The following PON3 variants were observed in gnomAD, a reference collection of about 807,000 sequenced individuals.
PON3 encodes serum paraoxonase/lactonase 3.
Under a neutral mutation model 36.3 loss-of-function variants are expected in PON3, and 37 were observed. The ratio of observed to expected loss-of-function variants is 1.02; its 90% CI spans 0.78 to 1.34. PON3 has a LOEUF of 1.34. Ranked by LOEUF, PON3 falls within the 40% of genes most tolerant of loss-of-function variation. The probability of loss-of-function intolerance (pLI) is 0.00; values close to 1 mark genes in which losing one functional copy is unlikely to be tolerated. For synonymous variants in PON3, 155 were observed against 154.8 expected (o/e 1.00, Z -0.01); for missense variants, 415 against 426.5 (o/e 0.97, Z 0.24).
intron 3 of PON3, among the ~76,000 whole-genome samples, chr7:95,373,662 A>C (rs1211355003): frequency 6.6e-6 from 1 of 152,184 alleles, no homozygotes; most frequent in African/African-American, 2.4e-5. Context: ...ATATAGGGCA[A>C]GTCTAAAATC....
intron 3 of PON3, among the ~76,000 whole-genome samples, chr7:95,380,221 C>A (rs1395811791): frequency 6.6e-6 from 1 of 152,062 alleles, no homozygotes; most frequent in African/African-American, 2.4e-5. Flanking sequence ...TCATCAAAGA[C>A]CAAAGGTAGA....
At chr7:95,390,335 C>T (rs1450180956) in intron 2 of PON3, 126 bp from the exon 3 acceptor site, 2 of 815,938 alleles carry the variant, frequency 2.5e-6, no homozygotes, top group African/African-American at 3.4e-5. Flanking sequence ...CAACCATTTA[C>T]TTGGGAAACC....
At chr7:95,372,146 C>T in intron 4 of PON3, 27 bp downstream of exon 4, 1 of 1,604,238 alleles carries the variant, frequency 6.2e-7, no homozygotes, top group Non-Finnish European at 8.5e-7. Context: ...CTCATTTCCC[C>T]CTTATCCCTA....
chr7:95,363,293 A>T (rs528770929), intron 6 of PON3, among the ~76,000 whole-genome samples: 2 of 152,324 alleles, frequency 1.3e-5, no homozygotes, highest in Admixed American at 1.3e-4. Context: ...TATCTCAAAT[A>T]TACATGTTAA....
intron 8 of PON3, among the ~76,000 whole-genome samples, chr7:95,362,068 G>C (rs1808580158): frequency 6.6e-6 from 1 of 152,040 alleles, no homozygotes; most frequent in African/African-American, 2.4e-5. Flanking sequence ...AGACCTACCT[G>C]CTCAGAGACT....
chr7:95,394,809 ATCTT>A, intron 1 of PON3, 95 bp from the exon 2 acceptor site: 1 of 956,588 alleles, frequency 1.0e-6, no homozygotes, highest in Non-Finnish European at 1.7e-6. Context: ...TTGGTTAACT[ATCTT>A]TATCATAATT....
In PON3 at chr7:95,359,967, T is replaced by C. The variant is rs778957708; in HGVS notation, c.*6A>G. ...ACTTTTTTTTTTTTTTTTTACTATCTAGAGTCTAGAGCTCACAGTACAGAG... is the reference window on the plus strand; with the variant it reads ...ACTTTTTTTTTTTTTTTTTACTATCCAGAGTCTAGAGCTCACAGTACAGAG... On this transcript the variant is annotated 3_prime_UTR_variant, in exon 9 of 9. Transcript: ENST00000265627. 2.5e-6 allele frequency: 4 copies of C among 1,590,988 alleles called. No homozygotes were observed. In the African/African-American group the frequency reaches 5.4e-5, roughly 22 times the overall value.
chr7:95,370,258 A>T (rs1463046997), intron 4 of PON3, among the ~76,000 whole-genome samples: 1 of 152,174 alleles, frequency 6.6e-6, no homozygotes, highest in Non-Finnish European at 1.5e-5. Flanking sequence ...ATGAGAAGGA[A>T]GGTACAGTTG....
At chr7:95,378,662 T>C (rs957365758) in intron 3 of PON3, among the ~76,000 whole-genome samples, 6 of 152,072 alleles carry the variant, frequency 3.9e-5, no homozygotes, top group Admixed American at 3.3e-4. Flanking sequence ...CTAAGCTTCA[T>C]AAGTGAAGGA....
intron 3 of PON3, among the ~76,000 whole-genome samples, chr7:95,373,884 T>C (rs1007461801): frequency 2.0e-5 from 3 of 152,164 alleles, no homozygotes; most frequent in African/African-American, 7.2e-5. Context: ...AGCTGGGCCT[T>C]ACAAGGAACA....
intron 7 of PON3, 102 bp downstream of exon 7, chr7:95,362,658 C>A: frequency 1.4e-6 from 2 of 1,380,672 alleles, no homozygotes; most frequent in Non-Finnish European, 2.1e-6. Context: ...TGGCATTGCT[C>A]TCAAATAGCC....
At chr7:95,361,262 T>C (rs1036537426) in intron 8 of PON3, among the ~76,000 whole-genome samples, 30 of 152,018 alleles carry the variant, frequency 2.0e-4, no homozygotes, top group Non-Finnish European at 8.8e-5. Flanking sequence ...AATACATTAA[T>C]AAAAAAAGAA....
rs201181326 is a variant in PON3 at position 95,384,916 on chromosome 7, C to T, written c.201+5238G>A. 7.9e-5 allele frequency among the ~76,000 whole-genome samples: 12 copies of T among 152,220 alleles called. No individual in the cohort carries two copies. The East Asian group carries it at 1.3e-3, about 17-fold the overall frequency. ...GACACATGCACACGTATGTTTATTG[C>T]GGCACTACTCACAATAGCAAAGACT... On this transcript the variant is annotated intron_variant, in intron 3 of 8. Coordinates refer to ENST00000265627, the MANE Select transcript of PON3 (RefSeq NM_000940.3).
chr7:95,391,781 A>G (rs1277028964), intron 2 of PON3, among the ~76,000 whole-genome samples: 2 of 152,042 alleles, frequency 1.3e-5, no homozygotes, highest in African/African-American at 2.4e-5. Context: ...AAATATCTAG[A>G]CTGCCTTGTT....
chr7:95,389,992 A>G (rs1327591570), intron 3 of PON3, among the ~76,000 whole-genome samples, 162 bp downstream of exon 3: 1 of 152,182 alleles, frequency 6.6e-6, no homozygotes, highest in African/African-American at 2.4e-5. Context: ...GTGGTGTTCT[A>G]ATTAGCCCTC....
Position 95,362,498 on chromosome 7 carries a change from C to A in PON3, c.778-8G>T, listed in dbSNP as rs766631261. On this transcript the variant is annotated splice_region_variant and splice_polypyrimidine_tract_variant and intron_variant, in intron 7 of 8. Transcript: ENST00000265627. The stretch of plus-strand genomic sequence containing the variant: ...GGTGCCCAACTGTATCACCTTACAA[C>A]AAAGAGGGAGTAGTGAAGACATTGT... The A allele has an allele frequency of 6.2e-7, 1 of 1,613,418 alleles. No homozygotes were observed. Among genetic ancestry groups the A allele is most frequent in the African/African-American group, 1.3e-5 (1 of 74,912 alleles).
intron 2 of PON3, among the ~76,000 whole-genome samples, chr7:95,392,062 G>T (rs921821159): frequency 3.3e-5 from 5 of 152,220 alleles, no homozygotes; most frequent in Non-Finnish European, 7.3e-5. Flanking sequence ...ATAGATAGCA[G>T]CATCCACTTT....
chr7:95,369,181 G>A (rs146087272), intron 4 of PON3, among the ~76,000 whole-genome samples: 42 of 152,166 alleles, frequency 2.8e-4, no homozygotes, highest in Admixed American at 1.5e-3. Context: ...TATAGGGTTC[G>A]TTTATTTATT....
intron 7 of PON3, 129 bp from the exon 8 acceptor site, chr7:95,362,619 G>T: frequency 6.9e-7 from 1 of 1,454,818 alleles, no homozygotes; most frequent in Non-Finnish European, 9.6e-7. Context: ...CTTTGCTTCT[G>T]TATTTTAGAA....
Sources: allele counts gnomAD v4.1 joint callset (sites outside exome capture counted in the v4.1 genomes callset), GRCh38; gene constraint gnomAD v4.1.1; transcripts MANE v1.5; gene names NCBI Gene and HGNC (gene_info 2026-07-23, HGNC 2026-07-21).